PTGFRN: variants seen among roughly 807,000 people sequenced by gnomAD.
The protein encoded by PTGFRN is prostaglandin F2 receptor negative regulator.
A neutral mutation model predicts 83.2 loss-of-function variants in PTGFRN; 35 were observed. That is an observed-to-expected ratio of 0.42 (90% CI 0.32 to 0.56). The LOEUF (loss-of-function observed/expected upper bound fraction) is 0.56. Ranked by LOEUF, PTGFRN falls within the 20% of genes least tolerant of loss-of-function variation. The pLI is 0.11. For missense variants in PTGFRN, 1,051 were observed against 1,179.5 expected (o/e 0.89, Z 1.60); for synonymous variants, 519 against 498.6 (o/e 1.04, Z -0.55).
chr1:116,957,895 C>T (rs997798645), intron 4 of PTGFRN, among the ~76,000 whole-genome samples: 4 of 152,088 alleles, frequency 2.6e-5, no homozygotes, highest in African/African-American at 9.7e-5. Flanking sequence ...GCTTATTTCA[C>T]TTAACACTGT....
intron 5 of PTGFRN, among the ~76,000 whole-genome samples, chr1:116,965,277 T>A (rs1650791898): frequency 2.0e-5 from 3 of 152,106 alleles, no homozygotes; most frequent in African/African-American, 4.8e-5. Context: ...ATTTATTTTA[T>A]TTTTAATTTT....
chr1:116,971,375 G>A (rs1014530779), intron 6 of PTGFRN, among the ~76,000 whole-genome samples: 1 of 152,076 alleles, frequency 6.6e-6, no homozygotes, highest in African/African-American at 2.4e-5. Context: ...AGAGGCCAAG[G>A]TTGGAACATG....
chr1:116,963,909 G>A (rs1340716319), intron 5 of PTGFRN, among the ~76,000 whole-genome samples: 1 of 151,852 alleles, frequency 6.6e-6, no homozygotes, highest in East Asian at 1.9e-4. Context: ...CCAAGTAGTT[G>A]GAACTAGAGG....
chr1:116,921,230 A>G (rs1357061529), intron 1 of PTGFRN, among the ~76,000 whole-genome samples: 1 of 152,130 alleles, frequency 6.6e-6, no homozygotes. Context: ...GTGGTTTTGG[A>G]TGCAGATATT....
chr1:116,954,508 C>T (rs1026691926), intron 4 of PTGFRN, among the ~76,000 whole-genome samples: 3 of 152,224 alleles, frequency 2.0e-5, no homozygotes, highest in African/African-American at 4.8e-5. Context: ...CTGGTGCATG[C>T]AGCCATTCAT....
At position 116,924,222 on chromosome 1, in the gene PTGFRN, A is replaced by T. The variant is rs1570646421; in HGVS notation, c.49+13970A>T. 3.6e-5 allele frequency among the ~76,000 whole-genome samples: 5 copies of T among 138,578 alleles called. No individual in the cohort carries two copies. The East Asian group carries it at 1.0e-3, about 29-fold the overall frequency. The allele number at this position is 138,578 out of a possible 152,430, so 90.9% of individuals were successfully genotyped here. ...GAGTGCAGTGGCACAGTCTCGGCTC[A>T]TTGCAACCTCCGCCTCCCAGGTTCA... On this transcript the variant is annotated intron_variant, in intron 1 of 8. Coordinates refer to ENST00000393203, the MANE Select transcript of PTGFRN (RefSeq NM_020440.4).
Position 116,961,380 on chromosome 1 carries a change from A to T in PTGFRN, c.1351A>T (p.Met451Leu). ...VRFTVSWYYR[M>L]NRRSDNVVTS... ...ATTCACGGTTTCGTGGTACTACAGG[A>T]TGAACCGGCGCAGCGACAATGTGGT... Residue 451 changes from methionine to leucine, a missense_variant, in exon 5 of 9, where the codon ATG becomes TTG. Met to Leu is a conservative substitution (Grantham distance 15). Coordinates refer to ENST00000393203, the MANE Select transcript of PTGFRN (RefSeq NM_020440.4). The surrounding 1 kb of genome is among the most constrained non-coding windows in gnomAD (Gnocchi z 5.4). 1 of 1,611,274 alleles carries T rather than the reference A, an allele frequency of 6.2e-7. No individual in the cohort carries two copies. The highest frequency in any genetic ancestry group is 8.5e-7 in the Non-Finnish European group (1 of 1,177,974).
intron 5 of PTGFRN, among the ~76,000 whole-genome samples, chr1:116,966,346 A>G (rs565183693): frequency 5.3e-5 from 8 of 152,266 alleles, no homozygotes; most frequent in Non-Finnish European, 1.0e-4. Flanking sequence ...TACATACGCT[A>G]CAGTCATTTT....
chr1:116,925,666 T>C (rs749665467), intron 1 of PTGFRN, among the ~76,000 whole-genome samples: 11 of 152,204 alleles, frequency 7.2e-5, no homozygotes, highest in Non-Finnish European at 1.0e-4. Flanking sequence ...CCTAAAAAGC[T>C]GGAGGTCCCT....
At position 116,944,704 on chromosome 1, in the gene PTGFRN, C is replaced by A; in HGVS notation, c.444C>A (p.Gly148=). 7.0e-7 allele frequency: 1 copy of A among 1,421,516 alleles called. No homozygotes were observed. The highest frequency in any genetic ancestry group is 9.2e-7 in the Non-Finnish European group (1 of 1,092,628). 88.1% of individuals were successfully genotyped at this position (1,421,516 alleles called of 1,614,324 possible). ...VKVLADSLHV[G]PSARPPPSLS... ...TGCTGGCCGACTCCCTGCACGTGGGCCCCAGCGCGCGGCCCCCGCCGAGCC... is the reference window on the plus strand; with the variant it reads ...TGCTGGCCGACTCCCTGCACGTGGGACCCAGCGCGCGGCCCCCGCCGAGCC... The change falls in exon 3 of 9, where the codon GGC becomes GGA. Residue 148 remains glycine, a synonymous_variant. Transcript: ENST00000393203.
chr1:116,910,347 G>A, intron 1 of PTGFRN, 95 bp downstream of exon 1: 2 of 1,123,310 alleles, frequency 1.8e-6, no homozygotes, highest in East Asian at 3.4e-5. Flanking sequence ...CTGGGGCGCC[G>A]AGGGTGCCCG....
intron 4 of PTGFRN, among the ~76,000 whole-genome samples, chr1:116,956,197 A>G (rs772688238): frequency 1.3e-5 from 2 of 152,232 alleles, no homozygotes; most frequent in African/African-American, 2.4e-5. Context: ...GCTGGTGGAT[A>G]GCTCAAATGA....
chr1:116,930,086 T>G (rs1489567030), intron 1 of PTGFRN, among the ~76,000 whole-genome samples: 1 of 152,158 alleles, frequency 6.6e-6, no homozygotes, highest in Non-Finnish European at 1.5e-5. Context: ...ATAGTAGGAG[T>G]CTGCTTTAGA....
intron 5 of PTGFRN, 90 bp from the exon 6 acceptor site, chr1:116,966,821 A>G (rs569851866): frequency 1.8e-5 from 25 of 1,379,076 alleles, no homozygotes; most frequent in African/African-American, 7.2e-5. Flanking sequence ...TTGCAAATAC[A>G]TTTCTGTTTC....
At chr1:116,972,169 C>T (rs1376486777) in intron 6 of PTGFRN, among the ~76,000 whole-genome samples, 1 of 152,142 alleles carries the variant, frequency 6.6e-6, no homozygotes, top group Non-Finnish European at 1.5e-5. Flanking sequence ...GTATAAGGCC[C>T]GAGGGAGCCA....
chr1:116,947,338 T>A (rs945228854), intron 3 of PTGFRN, among the ~76,000 whole-genome samples: 1 of 152,254 alleles, frequency 6.6e-6, no homozygotes, highest in Non-Finnish European at 1.5e-5. Flanking sequence ...TTAGTTATAT[T>A]CAGGGACAGA....
chr1:116,912,133 G>A (rs796489132), intron 1 of PTGFRN, among the ~76,000 whole-genome samples: 22 of 152,296 alleles, frequency 1.4e-4, no homozygotes, highest in African/African-American at 4.8e-4. Context: ...AAGAGAGACT[G>A]ACAAAAACAA....
At chr1:116,986,020 A>G (rs1651469049) in intron 8 of PTGFRN, among the ~76,000 whole-genome samples, 1 of 152,248 alleles carries the variant, frequency 6.6e-6, no homozygotes, top group Non-Finnish European at 1.5e-5. Flanking sequence ...TTCCCTAGTG[A>G]TCAGTCAGAT....
intron 5 of PTGFRN, among the ~76,000 whole-genome samples, chr1:116,963,391 G>A (rs932976378): frequency 6.6e-6 from 1 of 152,144 alleles, no homozygotes; most frequent in African/African-American, 2.4e-5. Context: ...TCCCATTCAC[G>A]CTGCCCCAGG....
Sources: allele counts gnomAD v4.1 joint callset (sites outside exome capture counted in the v4.1 genomes callset), GRCh38; gene constraint gnomAD v4.1.1; non-coding constraint Gnocchi (gnomAD v3.1); transcripts MANE v1.5; gene names NCBI Gene and HGNC (gene_info 2026-07-23, HGNC 2026-07-21).